Variants in DOK6 observed in about 807,000 individuals in gnomAD.
The protein encoded by DOK6 is downstream of tyrosine kinase 6.
In DOK6, 22 loss-of-function variants were observed where a neutral mutation model predicts 44.0. The observed-to-expected ratio is 0.50, with a 90% confidence interval of 0.36 to 0.71. DOK6 has a LOEUF of 0.71. Ranked by LOEUF, DOK6 falls within the 30% of genes least tolerant of loss-of-function variation. DOK6 has a pLI of 0.00. For synonymous variants in DOK6, 166 were observed against 145.5 expected (o/e 1.14, Z -1.01); for missense variants, 340 against 416.4 (o/e 0.82, Z 1.60).
chr18:69,669,072 C>T (rs1460750341), intron 3 of DOK6, among the ~76,000 whole-genome samples: 1 of 152,176 alleles, frequency 6.6e-6, no homozygotes, highest in African/African-American at 2.4e-5. Flanking sequence ...CCTCTACCAC[C>T]CAATTGCTAA....
At chr18:69,421,160 G>A (rs540045163) in intron 1 of DOK6, among the ~76,000 whole-genome samples, 9 of 152,176 alleles carry the variant, frequency 5.9e-5, no homozygotes, top group African/African-American at 2.2e-4. Context: ...ATATGCAGCA[G>A]TATGATTCTG....
chr18:69,563,123 A>T (rs1316367640), intron 1 of DOK6, among the ~76,000 whole-genome samples: 2 of 152,210 alleles, frequency 1.3e-5, no homozygotes, highest in African/African-American at 4.8e-5. Context: ...ACCACTTAGA[A>T]TGGCGATCAT....
At chr18:69,729,214 A>T (rs1219021395) in intron 5 of DOK6, among the ~76,000 whole-genome samples, 1 of 152,220 alleles carries the variant, frequency 6.6e-6, no homozygotes, top group Non-Finnish European at 1.5e-5. Flanking sequence ...TACATACAAC[A>T]TACAAATACT....
intron 3 of DOK6, among the ~76,000 whole-genome samples, chr18:69,670,739 A>G (rs915481185): frequency 5.9e-5 from 9 of 151,354 alleles, no homozygotes; most frequent in African/African-American, 2.2e-4. Context: ...CAATCTCTTG[A>G]CCTCGTGATC....
intron 7 of DOK6, among the ~76,000 whole-genome samples, chr18:69,802,544 G>A (rs1980932968): frequency 1.3e-5 from 2 of 152,260 alleles, no homozygotes; most frequent in Middle Eastern, 3.4e-3. Context: ...CAATGTTGAA[G>A]GAGGGTCTAG....
chr18:69,417,822 A>T (rs560357242), intron 1 of DOK6, among the ~76,000 whole-genome samples: 21 of 152,044 alleles, frequency 1.4e-4, no homozygotes, highest in Non-Finnish European at 2.2e-4. Context: ...GATGTTGAAC[A>T]TTTTTTTCAT....
intron 3 of DOK6, among the ~76,000 whole-genome samples, chr18:69,630,164 A>G (rs1670887047): frequency 6.6e-6 from 1 of 152,184 alleles, no homozygotes; most frequent in African/African-American, 2.4e-5. Context: ...ATTAGGTTAT[A>G]TAAGCCCACC....
At chr18:69,475,640 C>T (rs1013742601) in intron 1 of DOK6, among the ~76,000 whole-genome samples, 1 of 152,142 alleles carries the variant, frequency 6.6e-6, no homozygotes, top group Non-Finnish European at 1.5e-5. Flanking sequence ...TGCCATCATC[C>T]CAAGCTATGT....
chr18:69,528,086 C>T (rs1215773927), intron 1 of DOK6, among the ~76,000 whole-genome samples: 2 of 150,792 alleles, frequency 1.3e-5, no homozygotes, highest in Admixed American at 6.6e-5. Context: ...TGGCTTGAAC[C>T]CGGGAGGTGG....
chr18:69,664,555 G>T (rs758478668), intron 3 of DOK6, among the ~76,000 whole-genome samples: 1 of 152,096 alleles, frequency 6.6e-6, no homozygotes, highest in East Asian at 1.9e-4. Context: ...GTGGTGTAAT[G>T]GTCAAAACCA....
intron 1 of DOK6, among the ~76,000 whole-genome samples, chr18:69,489,433 C>T (rs1980674625): frequency 1.3e-5 from 2 of 152,116 alleles, no homozygotes; most frequent in Non-Finnish European, 2.9e-5. Context: ...TGTGTACTTG[C>T]AGTGATTTCA....
At chr18:69,543,971 G>A (rs1374126357) in intron 1 of DOK6, among the ~76,000 whole-genome samples, 1 of 151,290 alleles carries the variant, frequency 6.6e-6, no homozygotes, top group African/African-American at 2.4e-5. Flanking sequence ...ATAGAGAAAG[G>A]GACAAATGTT....
At chr18:69,664,397 A>G (rs1203157463) in intron 3 of DOK6, among the ~76,000 whole-genome samples, 1 of 152,254 alleles carries the variant, frequency 6.6e-6, no homozygotes, top group Non-Finnish European at 1.5e-5. Flanking sequence ...TAAATGGAAC[A>G]TGTAAATCTT....
chr18:69,633,131 G>A (rs1001193800), intron 3 of DOK6, among the ~76,000 whole-genome samples: 2 of 152,080 alleles, frequency 1.3e-5, no homozygotes, highest in Non-Finnish European at 2.9e-5. Context: ...TTTAATTAAT[G>A]GTTTTCTTCC....
chr18:69,547,982 G>A (rs1982452320), intron 1 of DOK6, among the ~76,000 whole-genome samples: 1 of 147,506 alleles, frequency 6.8e-6, no homozygotes, highest in African/African-American at 2.5e-5. Flanking sequence ...TTGAGACAGA[G>A]TCTCGCTGTC....
intron 7 of DOK6, among the ~76,000 whole-genome samples, chr18:69,828,996 A>T (rs1981829558): frequency 6.7e-6 from 1 of 149,460 alleles, no homozygotes; most frequent in South Asian, 2.1e-4. Flanking sequence ...TTAATTCTGT[A>T]AATCTCAAAG....
chr18:69,608,908 C>T (rs541356739), intron 3 of DOK6, among the ~76,000 whole-genome samples: 4 of 140,038 alleles, frequency 2.9e-5, no homozygotes, highest in African/African-American at 5.3e-5. Context: ...CGAGATGGCG[C>T]CACTGCCTTC....
At chr18:69,750,729 G>T (rs116494514) in intron 6 of DOK6, among the ~76,000 whole-genome samples, 1,751 of 152,206 alleles carry the variant, frequency 0.012, 30 homozygotes, top group African/African-American at 0.04. Context: ...CTACGTCTAG[G>T]TATGTACCCA....
chr18:69,698,490 C>A lies in DOK6; in HGVS notation c.496C>A (p.Leu166Ile). The A allele has an allele frequency of 6.2e-7, 1 of 1,614,108 alleles. No homozygotes were observed. The highest frequency in any genetic ancestry group is 8.5e-7 in the Non-Finnish European group (1 of 1,179,954). ...GCAGATCACTCATGAAAATATCTAT[C>A]TCTGGGATATCCACAATGCCAAGGT... is the stretch of plus-strand genomic sequence containing the variant. ...TMQITHENIY[L>I]WDIHNAKVKL... is the part of the protein sequence containing the mutation. The change falls in exon 5 of 8, where the codon CTC becomes ATC. Residue 166 changes from leucine to isoleucine, a missense_variant. Leu to Ile is a conservative substitution (Grantham distance 5). Transcript: ENST00000382713.
Sources: allele counts gnomAD v4.1 joint callset (sites outside exome capture counted in the v4.1 genomes callset), GRCh38; gene constraint gnomAD v4.1.1; transcripts MANE v1.5; gene names NCBI Gene and HGNC (gene_info 2026-07-23, HGNC 2026-07-21).